Variants in DNMBP observed in about 807,000 individuals in gnomAD.
DNMBP encodes dynamin-binding protein.
A neutral mutation model predicts 150.0 loss-of-function variants in DNMBP; 87 were observed. That is an observed-to-expected ratio of 0.58 (90% CI 0.49 to 0.69). The LOEUF (loss-of-function observed/expected upper bound fraction) is 0.69. DNMBP is among the 30% of genes least tolerant of loss of function. DNMBP has a pLI of 0.00. For synonymous variants in DNMBP, 711 were observed against 750.4 expected (o/e 0.95, Z 0.86); for missense variants, 1,774 against 1,949.0 (o/e 0.91, Z 1.69).
intron 1 of DNMBP, among the ~76,000 whole-genome samples, chr10:99,991,201 C>T (rs1208711456): frequency 2.0e-5 from 3 of 151,914 alleles, no homozygotes; most frequent in Non-Finnish European, 4.4e-5. Flanking sequence ...GCCTCAGCCT[C>T]CTGAGTAGCT....
At chr10:99,911,950 C>G (rs1462684749) in intron 4 of DNMBP, among the ~76,000 whole-genome samples, 1 of 152,164 alleles carries the variant, frequency 6.6e-6, no homozygotes. Context: ...AATAGAAACT[C>G]ATTTTAAATA....
intron 4 of DNMBP, among the ~76,000 whole-genome samples, chr10:99,918,527 G>C (rs1452434836): frequency 2.0e-5 from 3 of 150,680 alleles, no homozygotes; most frequent in South Asian, 4.2e-4. Context: ...AGGCAAACAG[G>C]ACAACAAATG....
chr10:99,909,196 C>T, intron 4 of DNMBP, 50 bp from the exon 5 acceptor site: 2 of 1,486,116 alleles, frequency 1.3e-6, no homozygotes, highest in Non-Finnish European at 1.8e-6. Flanking sequence ...AAAAGCAGCA[C>T]CCTTCCACAG....
chr10:99,898,370 AAAAC>A, intron 8 of DNMBP, 85 bp from the exon 9 acceptor site: 1 of 1,193,746 alleles, frequency 8.4e-7, no homozygotes, highest in Non-Finnish European at 1.2e-6. Context: ...CACCTTAAAA[AAAAC>A]TTTTTTTTAA....
intron 4 of DNMBP, among the ~76,000 whole-genome samples, chr10:99,931,640 G>A (rs547056537): frequency 5.9e-5 from 9 of 152,150 alleles, no homozygotes; most frequent in Admixed American, 1.3e-4. Context: ...TTAAGAAGTC[G>A]AAAATGAGGC....
chr10:99,899,738 C>T, intron 7 of DNMBP, 181 bp downstream of exon 7: 1 of 730,770 alleles, frequency 1.4e-6, no homozygotes, highest in Non-Finnish European at 2.3e-6. Flanking sequence ...TAACCTAATA[C>T]TCTATACAGA....
In DNMBP at chr10:99,899,064, G is replaced by A. The variant is rs150139104; in HGVS notation, c.2703-304C>T. ...AAAAATTAGCTAGGCATGGTGGCAC[G>A]TGCCTGTAATCCCAGCTACTGGGGG... On this transcript the variant is annotated intron_variant, in intron 7 of 16. Coordinates refer to ENST00000324109, the MANE Select transcript of DNMBP (RefSeq NM_015221.4). Among the ~76,000 whole-genome samples, 170 of 152,004 alleles carry A rather than the reference G, an allele frequency of 1.1e-3. 1 individual carries two copies. The highest frequency in any genetic ancestry group is 3.7e-3 in the African/African-American group (152 of 41,480).
In DNMBP at chr10:99,877,107, A is replaced by G. The variant is rs1197217130; in HGVS notation, c.*44T>C. ...GGTGGGCCGCCAGAACCCTCGGCGG[A>G]CTGAAAGCAAAGGCAGCAAGGCTGG... is the stretch of plus-strand genomic sequence containing the variant. On this transcript the variant is annotated 3_prime_UTR_variant, in exon 17 of 17. Transcript: ENST00000324109. 1.3e-6 allele frequency: 2 copies of G among 1,560,446 alleles called. No homozygotes were observed. Among genetic ancestry groups the G allele is most frequent in the Admixed American group, 3.8e-5 (2 of 53,098 alleles).
chr10:99,896,698 G>C (rs370006562), intron 9 of DNMBP, among the ~76,000 whole-genome samples: 2 of 152,162 alleles, frequency 1.3e-5, no homozygotes, highest in African/African-American at 4.8e-5. Context: ...CATTAAATCA[G>C]TCATTTTACC....
At chr10:99,961,265 T>A (rs1457695996) in intron 3 of DNMBP, among the ~76,000 whole-genome samples, 1 of 128,074 alleles carries the variant, frequency 7.8e-6, no homozygotes, top group Non-Finnish European at 1.6e-5. Flanking sequence ...TCTTCCCTTT[T>A]TCTTTTTTTT....
At chr10:99,936,508 C>CT (rs2040233255) in intron 4 of DNMBP, among the ~76,000 whole-genome samples, 1 of 137,676 alleles carries the variant, frequency 7.3e-6, no homozygotes, top group African/African-American at 2.7e-5. Flanking sequence ...CTGAAGATTT[C>CT]TTTTTTCTTT....
At chr10:99,965,134 G>A (rs1238509316) in intron 3 of DNMBP, among the ~76,000 whole-genome samples, 1 of 152,098 alleles carries the variant, frequency 6.6e-6, no homozygotes, top group Non-Finnish European at 1.5e-5. Flanking sequence ...AGCATTTACT[G>A]AGCGCTTACC....
intron 3 of DNMBP, among the ~76,000 whole-genome samples, chr10:99,964,238 G>A (rs1280648378): frequency 6.7e-6 from 1 of 148,686 alleles, no homozygotes; most frequent in Non-Finnish European, 1.5e-5. Context: ...TGCTTTCCGG[G>A]TTCGAGCAAT....
chr10:99,884,101 C>A lies in DNMBP; in HGVS notation c.3907G>T (p.Asp1303Tyr), dbSNP rs769805859. 5.3e-5 allele frequency: 86 copies of A among 1,614,016 alleles called. No homozygotes were observed. Among genetic ancestry groups the A allele is most frequent in the Non-Finnish European group, 7.2e-5 (85 of 1,180,044 alleles). The change falls in exon 15 of 17, where the codon GAT becomes TAT. Residue 1303 changes from aspartate (D) to tyrosine (Y), a missense_variant. Asp to Tyr is a radical substitution (Grantham distance 160). Around this residue, in one of 2 missense-constraint regions of DNMBP, gnomAD observed 1,430 missense variants for 1,492.5 expected, o/e 0.96. Coordinates refer to ENST00000324109, the MANE Select transcript of DNMBP (RefSeq NM_015221.4). ...ERNFNAAQDLDVSLLEGDLVG... is the reference protein window; with the variant it reads ...ERNFNAAQDLYVSLLEGDLVG... Reference sequence around the variant, plus strand: ...AGGTCACCTTCCAAAAGTGAGACATCCAAGTCTTGAGCAGCATTGAAGTTC... The same window carrying A: ...AGGTCACCTTCCAAAAGTGAGACATACAAGTCTTGAGCAGCATTGAAGTTC...
At position 99,885,723 on chromosome 10, in the gene DNMBP, A is replaced by G. The variant is rs755039484; in HGVS notation, c.3762T>C (p.Ile1254=). The G allele has an allele frequency of 6.9e-6, 11 of 1,587,450 alleles. No homozygotes were observed. The highest frequency in any genetic ancestry group is 2.3e-5 in the East Asian group (1 of 44,308). Residue 1254 remains isoleucine, a synonymous_variant, in exon 14 of 17, where the codon ATT becomes ATC. Coordinates refer to ENST00000324109, the MANE Select transcript of DNMBP (RefSeq NM_015221.4). ...GTGGCTTTCGAGCAGACTGGCGGTC[A>G]ATGGTTTTCCTCTCAAATGGCTTCT... ...ATKKPFERKT[I]DRQSARKPLL...
At chr10:99,899,229 C>G (rs1350941353) in intron 7 of DNMBP, among the ~76,000 whole-genome samples, 1 of 151,774 alleles carries the variant, frequency 6.6e-6, no homozygotes, top group East Asian at 1.9e-4. Flanking sequence ...AAAAGTTAGC[C>G]CCTAACTTCT....
chr10:99,986,233 G>C (rs2040826417), intron 1 of DNMBP, among the ~76,000 whole-genome samples: 1 of 152,158 alleles, frequency 6.6e-6, no homozygotes, highest in Admixed American at 6.6e-5. Context: ...TTCTTAGCCA[G>C]ATGCAGTGGT....
chr10:99,940,547 C>T (rs11812253), intron 4 of DNMBP, among the ~76,000 whole-genome samples: 12,945 of 152,116 alleles, frequency 0.085, 808 homozygotes, highest in African/African-American at 0.17. Flanking sequence ...CTTCAATGTG[C>T]CCATTCTAGT....
Position 99,957,185 on chromosome 10 carries a change from C to T in DNMBP, c.289G>A (p.Gly97Ser). 1 of 1,603,864 alleles carries T rather than the reference C, an allele frequency of 6.2e-7. No individual in the cohort carries two copies. The highest frequency in any genetic ancestry group is 8.5e-7 in the Non-Finnish European group (1 of 1,179,554). ...LHRGDLVILD[G>S]IPTAGWLQGR... is the part of the protein sequence containing the mutation. ...TGCAGCCAGCCTGCAGTGGGAATGC[C>T]ATCGAGAATCACCAGGTCACCTAAA... The change falls in exon 4 of 17, where the codon GGC becomes AGC. Residue 97 changes from glycine to serine, a missense_variant. Gly to Ser is a moderately conservative substitution (Grantham distance 56). Around this residue, in one of 2 missense-constraint regions of DNMBP, gnomAD observed 344 missense variants for 456.6 expected, o/e 0.75. Coordinates refer to ENST00000324109, the MANE Select transcript of DNMBP (RefSeq NM_015221.4).
Sources: allele counts gnomAD v4.1 joint callset (sites outside exome capture counted in the v4.1 genomes callset), GRCh38; gene constraint gnomAD v4.1.1; regional missense constraint gnomAD v4.1.1; transcripts MANE v1.5; gene names NCBI Gene and HGNC (gene_info 2026-07-23, HGNC 2026-07-21).